Variants in SRPK2 observed in about 807,000 individuals in gnomAD.
The protein encoded by SRPK2 is SRSF protein kinase 2.
In SRPK2, 21 loss-of-function variants were observed where a neutral mutation model predicts 90.8. The observed-to-expected ratio is 0.23, with a 90% CI of 0.16 to 0.33. SRPK2 has a LOEUF of 0.33. Ranked by LOEUF, SRPK2 falls within the 10% of genes least tolerant of loss-of-function variation. The probability of loss-of-function intolerance (pLI) is 1.00; values close to 1 mark genes in which losing one functional copy is unlikely to be tolerated. For synonymous variants in SRPK2, 288 were observed against 311.1 expected, an observed-to-expected ratio of 0.93 and a Z score of 0.78; for missense variants, 620 against 869.0, an observed-to-expected ratio of 0.71 and a Z score of 3.60.
At chr7:105,245,147 T>C (rs1473766561) in intron 2 of SRPK2, among the ~76,000 whole-genome samples, 1 of 152,114 alleles carries the variant, frequency 6.6e-6, no homozygotes, top group Admixed American at 6.5e-5. Context: ...TTTGTGTCTA[T>C]AGGCCAAAGA....
At chr7:105,328,721 C>T (rs1416754494) in intron 2 of SRPK2, among the ~76,000 whole-genome samples, 2 of 151,394 alleles carry the variant, frequency 1.3e-5, no homozygotes, top group African/African-American at 2.4e-5. Context: ...AAAAATTAGC[C>T]GGGCATAGCG....
At chr7:105,125,538 G>A (rs1801063832) in intron 15 of SRPK2, among the ~76,000 whole-genome samples, 1 of 152,194 alleles carries the variant, frequency 6.6e-6, no homozygotes, top group Admixed American at 6.5e-5. Flanking sequence ...ATAATATACA[G>A]ATTGGTAACT....
At chr7:105,182,683 G>A (rs1397599882) in intron 3 of SRPK2, among the ~76,000 whole-genome samples, 2 of 152,122 alleles carry the variant, frequency 1.3e-5, no homozygotes, top group African/African-American at 2.4e-5. Context: ...GGCCAGGCTG[G>A]TCTCAAACTC....
intron 11 of SRPK2, among the ~76,000 whole-genome samples, chr7:105,133,618 C>T (rs957561817): frequency 1.3e-5 from 2 of 152,232 alleles, no homozygotes; most frequent in Non-Finnish European, 2.9e-5. Context: ...TCATCCCCTA[C>T]AGTTCCCACT....
chr7:105,189,284 A>G, intron 3 of SRPK2: 1 of 155,556 alleles, frequency 6.4e-6, no homozygotes, highest in Non-Finnish European at 1.4e-5. Flanking sequence ...GCCCTAATTA[A>G]AGTAGGTGGT....
At chr7:105,353,438 C>G (rs1397612785) in intron 2 of SRPK2, among the ~76,000 whole-genome samples, 3 of 152,128 alleles carry the variant, frequency 2.0e-5, no homozygotes, top group African/African-American at 7.2e-5. Context: ...CTCCTGGGCT[C>G]AAGCAATCCT....
At chr7:105,303,854 C>G (rs1810857017) in intron 2 of SRPK2, among the ~76,000 whole-genome samples, 1 of 152,118 alleles carries the variant, frequency 6.6e-6, no homozygotes, top group South Asian at 2.1e-4. Flanking sequence ...ATGTGAAAAG[C>G]TAGTGAAAAC....
chr7:105,351,157 C>T (rs943077679), intron 2 of SRPK2, among the ~76,000 whole-genome samples: 19 of 152,006 alleles, frequency 1.2e-4, no homozygotes, highest in Admixed American at 1.0e-3. Flanking sequence ...GGGAGTGCGA[C>T]TGGTGGCTTT....
chr7:105,245,594 G>A (rs1423792681), intron 2 of SRPK2, among the ~76,000 whole-genome samples: 7 of 152,136 alleles, frequency 4.6e-5, no homozygotes, highest in Non-Finnish European at 8.8e-5. Flanking sequence ...GAGTTTTGAC[G>A]GAAGCATTTG....
intron 2 of SRPK2, among the ~76,000 whole-genome samples, chr7:105,220,311 A>C (rs567067443): frequency 6.6e-6 from 1 of 152,084 alleles, no homozygotes; most frequent in African/African-American, 2.4e-5. Flanking sequence ...GGCAGATCAC[A>C]GGGTCAAGAG....
intron 3 of SRPK2, among the ~76,000 whole-genome samples, chr7:105,195,175 G>A (rs1270321782): frequency 2.0e-5 from 3 of 152,170 alleles, no homozygotes; most frequent in South Asian, 2.1e-4. Flanking sequence ...TCCGCCTCCC[G>A]AGGAGCTGGG....
chr7:105,126,488 G>T, intron 14 of SRPK2, 148 bp from the exon 15 acceptor site: 1 of 643,298 alleles, frequency 1.6e-6, no homozygotes, highest in Non-Finnish European at 2.7e-6. Context: ...GAGGCTTGTG[G>T]GAATGGCAGG....
At chr7:105,260,981 A>G (rs1804160836) in intron 2 of SRPK2, among the ~76,000 whole-genome samples, 1 of 145,594 alleles carries the variant, frequency 6.9e-6, no homozygotes, top group Non-Finnish European at 1.5e-5. Context: ...ATGTATACCT[A>G]TGTAACAAAC....
intron 2 of SRPK2, among the ~76,000 whole-genome samples, chr7:105,364,751 C>T (rs1220452950): frequency 6.6e-6 from 1 of 152,050 alleles, no homozygotes; most frequent in African/African-American, 2.4e-5. Context: ...AAATTAGAGA[C>T]ATTGTGTTTG....
In SRPK2 at chr7:105,176,587, ATATG is replaced by A. The variant is rs374141394; in HGVS notation, c.230-7326_230-7323del. ...TGTGTGTGTGTGTGTGTGTATGTAT[ATATG>A]TGTGTGTGTGTGTGTGTGTATACGT... is the stretch of plus-strand genomic sequence containing the variant. On this transcript the variant is annotated intron_variant, in intron 3 of 15. Transcript: ENST00000393651. 9.3e-3 allele frequency among the ~76,000 whole-genome samples: 897 copies of A among 96,272 alleles called. 9 individuals are homozygous for A. The highest frequency in any genetic ancestry group is 0.013 in the Non-Finnish European group (632 of 48,844). 63.2% of individuals were successfully genotyped at this position (96,272 alleles called of 152,430 possible).
At chr7:105,204,805 C>T (rs1173630092) in intron 2 of SRPK2, 10 of 518,700 alleles carry the variant, frequency 1.9e-5, no homozygotes, top group African/African-American at 1.7e-4. Flanking sequence ...ACCCAGCATG[C>T]GCCCTATTTT....
At chr7:105,153,069 A>T (rs2129579510) in intron 7 of SRPK2, among the ~76,000 whole-genome samples, 1 of 152,240 alleles carries the variant, frequency 6.6e-6, no homozygotes, top group East Asian at 1.9e-4. Flanking sequence ...TGGTGCTAGC[A>T]GCAGGAGGCA....
intron 2 of SRPK2, among the ~76,000 whole-genome samples, chr7:105,333,130 G>A (rs566675377): frequency 2.6e-5 from 4 of 152,278 alleles, no homozygotes; most frequent in African/African-American, 9.6e-5. Context: ...GGTGGCGGAG[G>A]TTGCAGTGAG....
chr7:105,145,406 T>C, intron 8 of SRPK2, 98 bp from the exon 9 acceptor site: 3 of 828,618 alleles, frequency 3.6e-6, no homozygotes, highest in East Asian at 2.8e-5. Context: ...TATTGTCTTT[T>C]AATGGCTATC....
Sources: gnomAD v4.1 joint callset for allele counts (sites outside exome capture counted in the v4.1 genomes callset) on GRCh38, gnomAD v4.1.1 for gene constraint, MANE v1.5 for transcripts, NCBI Gene and HGNC (gene_info 2026-07-23, HGNC 2026-07-21) for gene names.